Variants in FNBP1L observed in about 807,000 individuals in gnomAD.
FNBP1L encodes the protein formin-binding protein 1-like.
FNBP1L carries 36 observed loss-of-function variants against 91.2 expected under a neutral mutation model. That is an observed-to-expected ratio of 0.39 (90% CI 0.30 to 0.52). The LOEUF (loss-of-function observed/expected upper bound fraction) is 0.52, where lower values mean the gene tolerates loss of function less well. Among genes scored for constraint, FNBP1L ranks in the 20% least tolerant of loss-of-function variants. The pLI is 0.66. For synonymous variants in FNBP1L, 242 were observed against 237.0 expected (o/e 1.02, Z -0.19); for missense variants, 571 against 732.1 (o/e 0.78, Z 2.54).
At chr1:93,475,997 T>C (rs1401239662) in intron 1 of FNBP1L, among the ~76,000 whole-genome samples, 1 of 152,186 alleles carries the variant, frequency 6.6e-6, no homozygotes, top group African/African-American at 2.4e-5. Flanking sequence ...TGGCCAGTTT[T>C]CTTGAGTTTT....
At chr1:93,514,921 A>T (rs1300019637) in intron 2 of FNBP1L, among the ~76,000 whole-genome samples, 2 of 152,244 alleles carry the variant, frequency 1.3e-5, no homozygotes, top group Admixed American at 6.5e-5. Flanking sequence ...GACAAATGGG[A>T]TCGAATTAAA....
chr1:93,513,888 C>T (rs1239088310), intron 2 of FNBP1L, among the ~76,000 whole-genome samples: 2 of 152,200 alleles, frequency 1.3e-5, no homozygotes, highest in East Asian at 1.9e-4. Context: ...CTCACCACTC[C>T]TTTTCAACAT....
intron 5 of FNBP1L, 85 bp downstream of exon 5, chr1:93,524,408 GT>G: frequency 1.1e-6 from 1 of 942,624 alleles, no homozygotes; most frequent in Non-Finnish European, 1.5e-6. Flanking sequence ...ATCTATTTGA[GT>G]TTAATGTTTC....
intron 2 of FNBP1L, among the ~76,000 whole-genome samples, chr1:93,503,709 T>G (rs1468522257): frequency 3.3e-5 from 5 of 152,204 alleles, no homozygotes; most frequent in Non-Finnish European, 5.9e-5. Context: ...AATGGTTACT[T>G]CAGATCACTT....
At chr1:93,522,250 TA>T (rs1671354178) in intron 3 of FNBP1L, 115 bp downstream of exon 3, 1 of 431,706 alleles carries the variant, frequency 2.3e-6, no homozygotes, top group Admixed American at 4.8e-5. Flanking sequence ...AAGTTTAATT[TA>T]AAAATTAATG....
Position 93,533,166 on chromosome 1 carries a change from G to C in FNBP1L, c.786+98G>C. 8 of 1,006,556 alleles carry C rather than the reference G, an allele frequency of 7.9e-6. No individual in the cohort carries two copies. In the South Asian group the frequency reaches 1.9e-4, roughly 23 times the overall value. The allele number at this position is 1,006,556 out of a possible 1,614,324, so 62.4% of individuals were successfully genotyped here. ...TGAGAAAGGGATAAAGTAATCTGATGTGTGGTTCTAAATTATATTCTGTAG... is the reference window on the plus strand; with the variant it reads ...TGAGAAAGGGATAAAGTAATCTGATCTGTGGTTCTAAATTATATTCTGTAG... On this transcript the variant is annotated intron_variant, in intron 8 of 16. Coordinates refer to ENST00000271234, the MANE Select transcript of FNBP1L (RefSeq NM_001164473.3).
Position 93,497,116 on chromosome 1 carries a change from C to T in FNBP1L, c.25-2352C>T, listed in dbSNP as rs1026414192. Reference sequence around the variant, plus strand: ...CTGGGACTACAGGCATCCGCCACCACGCCTGGCTAATTTTTTTTTGTATTT... The same window carrying T: ...CTGGGACTACAGGCATCCGCCACCATGCCTGGCTAATTTTTTTTTGTATTT... On this transcript the variant is annotated intron_variant, in intron 1 of 16. Transcript: ENST00000271234. Among the ~76,000 whole-genome samples, 13 of 152,178 alleles carry T rather than the reference C, an allele frequency of 8.5e-5. No individual in the cohort carries two copies. In the East Asian group the frequency reaches 1.7e-3, roughly 20 times the overall value.
chr1:93,503,780 ATTGTAT>A (rs1430597805), intron 2 of FNBP1L, among the ~76,000 whole-genome samples: 3 of 152,232 alleles, frequency 2.0e-5, no homozygotes, highest in Non-Finnish European at 2.9e-5. Context: ...TTTAATAAAC[ATTGTAT>A]TTGTATAACA....
At chr1:93,535,821 TA>T (rs968276839) in intron 9 of FNBP1L, among the ~76,000 whole-genome samples, 194 of 143,630 alleles carry the variant, frequency 1.4e-3, no homozygotes, top group Non-Finnish European at 1.5e-3. Context: ...ATACTGGAAT[TA>T]AAAAAAAAAA....
intron 1 of FNBP1L, among the ~76,000 whole-genome samples, chr1:93,472,141 C>G (rs538438285): frequency 1.3e-5 from 2 of 152,302 alleles, no homozygotes; most frequent in East Asian, 3.9e-4. Context: ...TTTGAAAACA[C>G]TCCAAATGAT....
intron 11 of FNBP1L, among the ~76,000 whole-genome samples, chr1:93,542,727 C>T (rs1364908588): frequency 2.0e-5 from 3 of 149,908 alleles, no homozygotes; most frequent in Non-Finnish European, 3.0e-5. Flanking sequence ...CTCCTTTTAG[C>T]ATCACTTTAA....
intron 1 of FNBP1L, among the ~76,000 whole-genome samples, chr1:93,449,326 G>C (rs1042206361): frequency 6.6e-6 from 1 of 151,968 alleles, no homozygotes; most frequent in Non-Finnish European, 1.5e-5. Context: ...CTGGGGGCGT[G>C]GGGGCGCTGT....
chr1:93,551,551 T>A, intron 16 of FNBP1L: 1 of 985,702 alleles, frequency 1.0e-6, no homozygotes, highest in Non-Finnish European at 1.2e-6. Flanking sequence ...GAGTGGTTTC[T>A]TCTAGAAGTT....
chr1:93,505,235 C>T (rs561700523), intron 2 of FNBP1L, among the ~76,000 whole-genome samples: 25 of 151,428 alleles, frequency 1.7e-4, no homozygotes, highest in Middle Eastern at 3.5e-3. Context: ...GTTTGTTCCT[C>T]GGAGCCGTAA....
chr1:93,551,132 C>G (rs767575006), intron 16 of FNBP1L, 27 bp downstream of exon 16: 43 of 1,573,992 alleles, frequency 2.7e-5, no homozygotes, highest in Admixed American at 9.2e-5. Flanking sequence ...CTAAACTAAC[C>G]AGGCACCTTT....
At chr1:93,494,666 G>C (rs939670135) in intron 1 of FNBP1L, among the ~76,000 whole-genome samples, 1 of 152,212 alleles carries the variant, frequency 6.6e-6, no homozygotes, top group African/African-American at 2.4e-5. Context: ...AGAATCAGGG[G>C]TGGAGACCAA....
At chr1:93,510,971 A>G (rs1223772420) in intron 2 of FNBP1L, among the ~76,000 whole-genome samples, 12 of 152,194 alleles carry the variant, frequency 7.9e-5, no homozygotes, top group African/African-American at 2.2e-4. Flanking sequence ...GACCAAATCT[A>G]TGTCTGATTG....
At chr1:93,475,409 C>T (rs1037631878) in intron 1 of FNBP1L, among the ~76,000 whole-genome samples, 5 of 151,908 alleles carry the variant, frequency 3.3e-5, no homozygotes, top group African/African-American at 7.3e-5. Flanking sequence ...CAGGGTGGTG[C>T]GTGCCTGTGG....
chr1:93,496,141 C>T (rs1670250894), intron 1 of FNBP1L, among the ~76,000 whole-genome samples: 1 of 152,048 alleles, frequency 6.6e-6, no homozygotes, highest in African/African-American at 2.4e-5. Flanking sequence ...TTAGATGAGG[C>T]CCACCCACCC....
Sources: allele counts gnomAD v4.1 joint callset (sites outside exome capture counted in the v4.1 genomes callset), GRCh38; gene constraint gnomAD v4.1.1; transcripts MANE v1.5; gene names NCBI Gene and HGNC (gene_info 2026-07-23, HGNC 2026-07-21).